The following COLEC10 variants were observed in gnomAD, a reference collection of about 807,000 sequenced individuals.
COLEC10 encodes collectin-10.
COLEC10 carries 22 observed loss-of-function variants against 28.4 expected under a neutral mutation model. That is an observed-to-expected ratio of 0.78 (90% CI 0.55 to 1.11). The LOEUF (loss-of-function observed/expected upper bound fraction) is 1.11. Ranked by LOEUF, COLEC10 falls within the 50% of genes least tolerant of loss-of-function variation. The pLI, the probability that COLEC10 is intolerant of heterozygous loss-of-function variation, is 0.00. For missense variants in COLEC10, 361 were observed against 344.1 expected, an observed-to-expected ratio of 1.05 and a Z score of -0.39; for synonymous variants, 125 against 116.1, an observed-to-expected ratio of 1.08 and a Z score of -0.49.
chr8:119,039,397 T>G (rs1814453353), intron 2 of COLEC10, among the ~76,000 whole-genome samples: 3 of 152,296 alleles, frequency 2.0e-5, no homozygotes, highest in African/African-American at 7.2e-5. Context: ...TAACTCTGTC[T>G]TCCTCCACCA....
chr8:119,003,810 C>T (rs1020338783), intron 1 of COLEC10, among the ~76,000 whole-genome samples: 4 of 152,030 alleles, frequency 2.6e-5, no homozygotes, highest in Admixed American at 6.6e-5. Flanking sequence ...TCTTACTACA[C>T]ATGGAAAAGT....
intron 3 of COLEC10, among the ~76,000 whole-genome samples, chr8:119,096,516 G>A (rs528233762): frequency 6.6e-6 from 1 of 151,214 alleles, no homozygotes; most frequent in Non-Finnish European, 1.5e-5. Context: ...ACTTGAACCA[G>A]GGAGGCGGAG....
intron 2 of COLEC10, among the ~76,000 whole-genome samples, chr8:119,042,683 T>C (rs1352475598): frequency 1.3e-5 from 2 of 152,204 alleles, no homozygotes; most frequent in Admixed American, 6.5e-5. Context: ...GAATTCTGAC[T>C]CTGCCACTTA....
At chr8:118,997,883 T>C (rs1210321898) in intron 1 of COLEC10, among the ~76,000 whole-genome samples, 1 of 152,140 alleles carries the variant, frequency 6.6e-6, no homozygotes, top group Non-Finnish European at 1.5e-5. Flanking sequence ...GGGAAATGTT[T>C]TAGAGAGCAG....
Position 119,106,071 on chromosome 8 carries a change from A to C in COLEC10, c.714A>C (p.Glu238Asp), listed in dbSNP as rs151148307. Residue 238 changes from glutamate (E) to aspartate (D), a missense_variant, in exon 6 of 6, where the codon GAA (glutamate) becomes GAC (aspartate). Coordinates refer to ENST00000332843, the MANE Select transcript of COLEC10 (RefSeq NM_006438.5). ...LQNYSNWNEG[E>D]PSDPYGHEDC... The stretch of plus-strand genomic sequence containing the variant: ...ACTATAGCAACTGGAATGAGGGGGA[A>C]CCCAGCGACCCCTATGGTCATGAGG... 175 of 1,613,752 alleles carry C rather than the reference A, an allele frequency of 1.1e-4. No homozygotes were observed. Among genetic ancestry groups the C allele is most frequent in the Non-Finnish European group, 1.4e-4 (170 of 1,179,878 alleles).
chr8:119,063,236 A>G (rs1485380892), upstream of COLEC10: 1 of 152,196 alleles, frequency 6.6e-6, no homozygotes, highest in Admixed American at 6.6e-5. Flanking sequence ...CATTTCTTCC[A>G]GTTACTGTGG....
At chr8:119,098,435 C>T (rs949944963) in intron 3 of COLEC10, among the ~76,000 whole-genome samples, 1 of 152,148 alleles carries the variant, frequency 6.6e-6, no homozygotes, top group Non-Finnish European at 1.5e-5. Context: ...GTACATAGCA[C>T]CTAATACATA....
intron 3 of COLEC10, 111 bp from the exon 4 acceptor site, chr8:119,102,235 CCT>C (rs2130305495): frequency 9.1e-6 from 3 of 329,300 alleles, no homozygotes; most frequent in Admixed American, 4.2e-5. Flanking sequence ...TCCCTCCCTC[CCT>C]CCCTCCTTCC....
intron 2 of COLEC10, among the ~76,000 whole-genome samples, chr8:119,010,574 A>G: frequency 6.6e-6 from 1 of 151,006 alleles, no homozygotes; most frequent in East Asian, 1.9e-4. Flanking sequence ...TTTGTATGAC[A>G]CTGACAAACT....
chr8:118,996,109 A>T (rs1163355490), intron 1 of COLEC10, among the ~76,000 whole-genome samples: 1 of 152,094 alleles, frequency 6.6e-6, no homozygotes, highest in African/African-American at 2.4e-5. Context: ...GTTTTAGATA[A>T]CTCACATAAA....
chr8:118,952,679 C>T, the COLEC10 span, among the ~76,000 whole-genome samples: 1 of 152,186 alleles, frequency 6.6e-6, no homozygotes, highest in African/African-American at 2.4e-5. Flanking sequence ...AGCACTGTTC[C>T]CTTCACCAAC....
At chr8:119,034,377 T>A (rs1001727624) in intron 2 of COLEC10, among the ~76,000 whole-genome samples, 4 of 150,324 alleles carry the variant, frequency 2.7e-5, no homozygotes, top group Admixed American at 6.6e-5. Context: ...GTAACAAACC[T>A]GCACATTCTG....
intron 1 of COLEC10, among the ~76,000 whole-genome samples, chr8:119,069,629 A>AAAAAATATATAT (rs1554627284): frequency 1.4e-4 from 6 of 42,864 alleles, no homozygotes; most frequent in Non-Finnish European, 2.2e-4. Flanking sequence ...AAAAAAAAAA[A>AAAAAATATATAT]ATATATATAT....
intron 2 of COLEC10, among the ~76,000 whole-genome samples, chr8:119,018,900 A>G (rs1240294218): frequency 6.6e-6 from 1 of 152,206 alleles, no homozygotes; most frequent in Non-Finnish European, 1.5e-5. Flanking sequence ...GAAATCTTCC[A>G]TAACTGGTCA....
intron 1 of COLEC10, among the ~76,000 whole-genome samples, chr8:119,073,982 G>A (rs1018050722): frequency 6.0e-5 from 9 of 149,976 alleles, no homozygotes; most frequent in South Asian, 4.2e-4. Flanking sequence ...ATATATACAC[G>A]TATATATATA....
At chr8:119,040,327 T>TATAG (rs1446077235) in intron 2 of COLEC10, among the ~76,000 whole-genome samples, 1 of 152,204 alleles carries the variant, frequency 6.6e-6, no homozygotes, top group African/African-American at 2.4e-5. Flanking sequence ...ATCAAGGCTA[T>TATAG]GGTCTTAAGA....
chr8:119,042,285 A>C (rs1339578658), intron 2 of COLEC10, among the ~76,000 whole-genome samples: 1 of 152,128 alleles, frequency 6.6e-6, no homozygotes, highest in Non-Finnish European at 1.5e-5. Flanking sequence ...ACCATGAGCC[A>C]CTGCACCCAG....
At chr8:119,037,595 C>T (rs1389876643) in intron 2 of COLEC10, among the ~76,000 whole-genome samples, 1 of 152,140 alleles carries the variant, frequency 6.6e-6, no homozygotes, top group Non-Finnish European at 1.5e-5. Context: ...CTCCTATGCT[C>T]AGTCTCAGGT....
chr8:119,042,557 C>G (rs1056993435), intron 2 of COLEC10, among the ~76,000 whole-genome samples: 1 of 152,116 alleles, frequency 6.6e-6, no homozygotes, highest in East Asian at 1.9e-4. Flanking sequence ...ATTAATTCCT[C>G]ATCTGTGAAA....
Sources: gnomAD v4.1 joint callset for allele counts (sites outside exome capture counted in the v4.1 genomes callset) on GRCh38, gnomAD v4.1.1 for gene constraint, MANE v1.5 for transcripts, NCBI Gene and HGNC (gene_info 2026-07-23, HGNC 2026-07-21) for gene names.